ADAM32: variants seen among roughly 807,000 people sequenced by gnomAD.
ADAM32 encodes the protein ADAM metallopeptidase domain 32.
Under a neutral mutation model 114.9 loss-of-function variants are expected in ADAM32, and 89 were observed. The observed-to-expected ratio is 0.77, with a 90% CI of 0.65 to 0.92. The LOEUF (loss-of-function observed/expected upper bound fraction) is 0.92. Among genes scored for constraint, ADAM32 ranks in the 40% least tolerant of loss-of-function variants. The pLI, the probability that ADAM32 is intolerant of heterozygous loss-of-function variation, is 0.00. For missense variants in ADAM32, 870 were observed against 932.8 expected (o/e 0.93, Z 0.88); for synonymous variants, 285 against 307.5 (o/e 0.93, Z 0.77).
At chr8:39,226,661 T>C (rs1443267638) in intron 14 of ADAM32, among the ~76,000 whole-genome samples, 1 of 152,118 alleles carries the variant, frequency 6.6e-6, no homozygotes, top group Admixed American at 6.5e-5. Flanking sequence ...AAGAATACTT[T>C]ATCTGGCAAA....
chr8:39,225,788 AT>A (rs11446055), intron 14 of ADAM32, among the ~76,000 whole-genome samples: 4 of 150,180 alleles, frequency 2.7e-5, no homozygotes, highest in South Asian at 2.1e-4. Flanking sequence ...ATGGAGTAAG[AT>A]TTTTTTTTTT....
rs553440335 is a variant in ADAM32 at position 39,268,513 on chromosome 8, T to C, written c.2163-2363T>C. Among the ~76,000 whole-genome samples, 4 of 152,368 alleles carry C rather than the reference T, an allele frequency of 2.6e-5. No homozygotes were observed. The East Asian group carries it at 5.8e-4, about 22-fold the overall frequency. ...CTGAATATAAGTCCATCATTATATA[T>C]GTAATTTGCAAACATGTTATCTCAG... is the stretch of plus-strand genomic sequence containing the variant. On this transcript the variant is annotated intron_variant, in intron 19 of 24. Coordinates refer to ENST00000379907, the MANE Select transcript of ADAM32 (RefSeq NM_145004.7).
chr8:39,185,541 C>G (rs1181996005), intron 10 of ADAM32, among the ~76,000 whole-genome samples: 1 of 152,116 alleles, frequency 6.6e-6, no homozygotes, highest in Non-Finnish European at 1.5e-5. Flanking sequence ...TCCTGAAACT[C>G]AGCACTTTTT....
chr8:39,150,106 C>G lies in ADAM32; in HGVS notation c.353+239C>G. Among the ~76,000 whole-genome samples the G allele has an allele frequency of 1.3e-5, 2 of 152,090 alleles. 1 individual carries two copies. The highest frequency in any genetic ancestry group is 2.9e-5 in the Non-Finnish European group (2 of 67,968). On this transcript the variant is annotated intron_variant, in intron 5 of 24. Coordinates refer to ENST00000379907, the MANE Select transcript of ADAM32 (RefSeq NM_145004.7). Reference sequence around the variant, plus strand: ...CCTAGTCTCCTTGCTCTATGTCTTACGTTTCCTTAACCACAGAAAAGACAA... The same window carrying G: ...CCTAGTCTCCTTGCTCTATGTCTTAGGTTTCCTTAACCACAGAAAAGACAA...
chr8:39,154,240 C>T, intron 6 of ADAM32, among the ~76,000 whole-genome samples: 1 of 151,886 alleles, frequency 6.6e-6, no homozygotes, highest in South Asian at 2.1e-4. Context: ...CTCCCTGTGT[C>T]CATGTGTTCT....
Position 39,122,598 on chromosome 8 carries a change from A to T in ADAM32, c.138+4433A>T, listed in dbSNP as rs146046877. ...TTTCTGTTTTTGTTTTTGTTTTGAG[A>T]CAGAGTCTTCCTCTGTTGTCTAGGC... On this transcript the variant is annotated intron_variant, in intron 2 of 24. Coordinates refer to ENST00000379907, the MANE Select transcript of ADAM32 (RefSeq NM_145004.7). Among the ~76,000 whole-genome samples the T allele has an allele frequency of 5.9e-5, 9 of 152,310 alleles. No individual in the cohort carries two copies. In the East Asian group the frequency reaches 1.7e-3, roughly 29 times the overall value.
At chr8:39,212,935 A>G (rs1173944779) in intron 12 of ADAM32, among the ~76,000 whole-genome samples, 6 of 152,164 alleles carry the variant, frequency 3.9e-5, no homozygotes, top group Admixed American at 2.6e-4. Flanking sequence ...AATTTTAGCT[A>G]TTCCAGTGGT....
At chr8:39,119,110 C>T (rs1468985542) in intron 2 of ADAM32, among the ~76,000 whole-genome samples, 1 of 152,154 alleles carries the variant, frequency 6.6e-6, no homozygotes, top group African/African-American at 2.4e-5. Flanking sequence ...CCACATTTTG[C>T]TTATCCATTC....
At position 39,237,094 on chromosome 8, in the gene ADAM32, A is replaced by C. The variant is rs558532325; in HGVS notation, c.1818+3012A>C. 2.0e-5 allele frequency among the ~76,000 whole-genome samples: 3 copies of C among 152,334 alleles called. No individual in the cohort carries two copies. The South Asian group carries it at 6.2e-4, about 32-fold the overall frequency. On this transcript the variant is annotated intron_variant, in intron 16 of 24. Transcript: ENST00000379907. ...ACACATCCTTACTGGAGAACCTGAAAATCCAGATCACAGGAGAATAATTTA... is the reference window on the plus strand; with the variant it reads ...ACACATCCTTACTGGAGAACCTGAACATCCAGATCACAGGAGAATAATTTA...
At chr8:39,123,913 G>C (rs1170832076) in intron 2 of ADAM32, among the ~76,000 whole-genome samples, 8 of 151,822 alleles carry the variant, frequency 5.3e-5, no homozygotes, top group Admixed American at 3.3e-4. Flanking sequence ...CGCCATGTTG[G>C]CCAGGCTGGT....
chr8:39,158,559 C>A, intron 6 of ADAM32: 1 of 347,314 alleles, frequency 2.9e-6, no homozygotes, highest in Non-Finnish European at 5.5e-6. Flanking sequence ...AGCCTTGTAT[C>A]CCAGGAAAGC....
chr8:39,170,774 A>G (rs1805137386), intron 10 of ADAM32, among the ~76,000 whole-genome samples: 1 of 152,112 alleles, frequency 6.6e-6, no homozygotes, highest in South Asian at 2.1e-4. Context: ...ACATGTTTTT[A>G]GAAACTGTTA....
At chr8:39,123,456 C>G (rs1166877432) in intron 2 of ADAM32, among the ~76,000 whole-genome samples, 2 of 152,026 alleles carry the variant, frequency 1.3e-5, no homozygotes, top group Non-Finnish European at 2.9e-5. Context: ...TGGATTTGGT[C>G]GGGGGGCACA....
intron 16 of ADAM32, among the ~76,000 whole-genome samples, chr8:39,236,117 T>G (rs1221370521): frequency 2.0e-5 from 3 of 152,206 alleles, no homozygotes; most frequent in Admixed American, 1.3e-4. Flanking sequence ...ATTATTATAC[T>G]TTAAAGTTAG....
intron 8 of ADAM32, 43 bp from the exon 9 acceptor site, chr8:39,164,987 C>T (rs1253691902): frequency 6.5e-7 from 1 of 1,536,902 alleles, no homozygotes; most frequent in Admixed American, 2.1e-5. Flanking sequence ...TATAAGATAA[C>T]ATAAATATTA....
intron 19 of ADAM32, among the ~76,000 whole-genome samples, chr8:39,267,819 G>A (rs943128299): frequency 2.0e-5 from 3 of 152,206 alleles, no homozygotes; most frequent in Admixed American, 6.5e-5. Flanking sequence ...TACACTGGTG[G>A]GAAGGTGGGA....
intron 3 of ADAM32, among the ~76,000 whole-genome samples, chr8:39,141,284 G>T (rs934385686): frequency 1.3e-5 from 2 of 151,928 alleles, no homozygotes; most frequent in African/African-American, 4.8e-5. Context: ...GTGATGTTAG[G>T]GTGTCAATTT....
intron 20 of ADAM32, among the ~76,000 whole-genome samples, chr8:39,273,529 A>ACAAACAAAC (rs1554629386): frequency 4.4e-4 from 66 of 150,944 alleles, no homozygotes; most frequent in Non-Finnish European, 7.2e-4. Context: ...TCCACCTCAA[A>ACAAACAAAC]AAACAAACAA....
chr8:39,139,191 C>T (rs534031824), intron 3 of ADAM32, among the ~76,000 whole-genome samples: 21 of 152,212 alleles, frequency 1.4e-4, no homozygotes, highest in Non-Finnish European at 2.8e-4. Flanking sequence ...TAGATTCCAT[C>T]TGTCTATTTT....
Sources: gnomAD v4.1 joint callset for allele counts (sites outside exome capture counted in the v4.1 genomes callset) on GRCh38, gnomAD v4.1.1 for gene constraint, MANE v1.5 for transcripts, NCBI Gene and HGNC (gene_info 2026-07-23, HGNC 2026-07-21) for gene names.